The following TRIP4 variants were observed in gnomAD, a reference collection of about 807,000 sequenced individuals.
The protein encoded by TRIP4 is activating signal cointegrator 1.
Under a neutral mutation model 81.8 loss-of-function variants are expected in TRIP4, and 54 were observed. That is an observed-to-expected ratio of 0.66 (90% CI 0.53 to 0.83). The LOEUF is 0.83. Ranked by LOEUF, TRIP4 falls within the 40% of genes least tolerant of loss-of-function variation. The pLI is 0.00. For synonymous variants in TRIP4, 270 were observed against 242.8 expected (o/e 1.11, Z -1.04); for missense variants, 662 against 683.6 (o/e 0.97, Z 0.35).
intron 7 of TRIP4, among the ~76,000 whole-genome samples, chr15:64,413,771 A>G (rs1891824499): frequency 6.6e-6 from 1 of 151,864 alleles, no homozygotes; most frequent in African/African-American, 2.4e-5. Context: ...TATTTTTAGT[A>G]GAGATGGGGT....
chr15:64,409,490 T>C lies in TRIP4; in HGVS notation c.828-123T>C. On this transcript the variant is annotated intron_variant, in intron 6 of 12. Transcript: ENST00000261884. ...GAGCCTACACTGGAGATAAAACATA[T>C]GCAGAGCTTGACCTGATTTTGGAAC... 3.5e-6 allele frequency: 3 copies of C among 849,678 alleles called. No homozygotes were observed. The East Asian group carries it at 7.9e-5, about 22-fold the overall frequency. 52.6% of individuals were successfully genotyped at this position (849,678 alleles called of 1,614,324 possible).
chr15:64,434,755 A>C (rs1288189150), intron 11 of TRIP4, among the ~76,000 whole-genome samples: 1 of 152,216 alleles, frequency 6.6e-6, no homozygotes, highest in Non-Finnish European at 1.5e-5. Context: ...ATTACTGGAT[A>C]TGATGCCTTC....
At chr15:64,417,223 G>A (rs1343334629) in intron 8 of TRIP4, among the ~76,000 whole-genome samples, 1 of 152,080 alleles carries the variant, frequency 6.6e-6, no homozygotes, top group Non-Finnish European at 1.5e-5. Context: ...TGTTGCCCAG[G>A]TTGGTCTTAA....
chr15:64,388,620 A>T (rs778585245), intron 1 of TRIP4, among the ~76,000 whole-genome samples: 1 of 152,112 alleles, frequency 6.6e-6, no homozygotes, highest in South Asian at 2.1e-4. Flanking sequence ...TACTCTGAAC[A>T]TTTTAGTCGG....
chr15:64,438,329 CATTT>C (rs1480867561), intron 11 of TRIP4, among the ~76,000 whole-genome samples: 3 of 152,108 alleles, frequency 2.0e-5, no homozygotes, highest in South Asian at 2.1e-4. Context: ...TTCATTCATT[CATTT>C]ATTTATTTTG....
At chr15:64,401,944 T>G (rs1240764484) in intron 5 of TRIP4, among the ~76,000 whole-genome samples, 1 of 152,158 alleles carries the variant, frequency 6.6e-6, no homozygotes, top group African/African-American at 2.4e-5. Context: ...CAGAGTAGAT[T>G]AAGGATATAT....
chr15:64,414,003 A>G (rs1891829926), intron 7 of TRIP4, 82 bp from the exon 8 acceptor site: 3 of 1,518,032 alleles, frequency 2.0e-6, no homozygotes, highest in South Asian at 1.2e-5. Context: ...TTTTATTACT[A>G]TTAAAGCATT....
chr15:64,425,191 A>G, intron 10 of TRIP4, among the ~76,000 whole-genome samples: 1 of 151,790 alleles, frequency 6.6e-6, no homozygotes, highest in East Asian at 1.9e-4. Context: ...TAACTGCCTT[A>G]CTTTGCTTCC....
chr15:64,390,138 T>C (rs1320227466), intron 1 of TRIP4, among the ~76,000 whole-genome samples: 1 of 147,984 alleles, frequency 6.8e-6, no homozygotes, highest in Non-Finnish European at 1.5e-5. Context: ...ATTAAATATG[T>C]GTATTATATT....
chr15:64,435,974 C>G (rs1329140251), intron 11 of TRIP4, among the ~76,000 whole-genome samples: 3 of 151,464 alleles, frequency 2.0e-5, no homozygotes, highest in African/African-American at 7.3e-5. Context: ...ATGCCCTTGT[C>G]CACTAGGACA....
chr15:64,422,028 C>CAA (rs11409306), intron 9 of TRIP4, among the ~76,000 whole-genome samples: 20 of 106,064 alleles, frequency 1.9e-4, no homozygotes, highest in African/African-American at 3.2e-4. Flanking sequence ...GACTCAGTCT[C>CAA]AAAAAAAAAA....
At chr15:64,399,822 G>T (rs2140285112) in intron 4 of TRIP4, among the ~76,000 whole-genome samples, 1 of 151,640 alleles carries the variant, frequency 6.6e-6, no homozygotes, top group Admixed American at 6.6e-5. Flanking sequence ...TTTAGACAGA[G>T]TCTCAGGCCA....
intron 5 of TRIP4, among the ~76,000 whole-genome samples, chr15:64,402,373 T>C (rs1403136832): frequency 6.6e-6 from 1 of 151,390 alleles, no homozygotes; most frequent in Non-Finnish European, 1.5e-5. Flanking sequence ...CAGGCATGCG[T>C]CACCACCCTG....
intron 11 of TRIP4, among the ~76,000 whole-genome samples, chr15:64,436,331 C>T (rs1358690520): frequency 8.6e-5 from 13 of 151,606 alleles, no homozygotes; most frequent in Admixed American, 3.3e-4. Context: ...CATTGGCTTA[C>T]GCCTGTAATT....
chr15:64,434,066 C>T (rs1449709748), intron 11 of TRIP4, among the ~76,000 whole-genome samples: 2 of 152,020 alleles, frequency 1.3e-5, no homozygotes, highest in African/African-American at 2.4e-5. Context: ...TGGGGAGTCT[C>T]TCTGAAACTA....
intron 3 of TRIP4, among the ~76,000 whole-genome samples, chr15:64,396,222 T>G (rs1566971940): frequency 1.3e-5 from 2 of 151,580 alleles, no homozygotes; most frequent in African/African-American, 2.4e-5. Context: ...TTTTTGAACT[T>G]TAAATTAATG....
chr15:64,405,473 G>C (rs562820583), intron 5 of TRIP4, among the ~76,000 whole-genome samples: 2 of 152,232 alleles, frequency 1.3e-5, no homozygotes, highest in Non-Finnish European at 2.9e-5. Context: ...ATTTCTAACT[G>C]TGTGAACTCA....
rs763529608 is a variant in TRIP4, at chr15:64,445,107, C to T, written c.1677C>T (p.Ile559=). 8.9e-6 allele frequency: 14 copies of T among 1,570,438 alleles called. No individual in the cohort carries two copies. The Admixed American group carries it at 2.3e-4, about 26-fold the overall frequency. ...VKFPIKGNPK[I]WKLDSKIHQG... is the part of the protein sequence containing the mutation. The stretch of plus-strand genomic sequence containing the variant: ...TTCCTATTAAAGGAAATCCAAAAAT[C>T]TGTAAGTCATGATTTTTTTTCTTTA... Residue 559 remains isoleucine, a splice_region_variant and synonymous_variant, in exon 12 of 13, where the codon ATC becomes ATT. Transcript: ENST00000261884.
chr15:64,431,075 A>G (rs186448469), intron 11 of TRIP4, among the ~76,000 whole-genome samples: 207 of 152,320 alleles, frequency 1.4e-3, no homozygotes, highest in South Asian at 3.5e-3. Flanking sequence ...TCTATCACCA[A>G]TGAATTGTCT....
Sources: allele counts gnomAD v4.1 joint callset (sites outside exome capture counted in the v4.1 genomes callset), GRCh38; gene constraint gnomAD v4.1.1; transcripts MANE v1.5; gene names NCBI Gene and HGNC (gene_info 2026-07-23, HGNC 2026-07-21).